PELI1: variants seen among roughly 807,000 people sequenced by gnomAD.
The protein encoded by PELI1 is pellino E3 ubiquitin protein ligase 1, also known as E3 ubiquitin-protein ligase pellino homolog 1.
A neutral mutation model predicts 41.3 loss-of-function variants in PELI1; 15 were observed. The observed-to-expected ratio is 0.36, with a 90% CI of 0.24 to 0.56. The LOEUF (loss-of-function observed/expected upper bound fraction) is 0.56, where lower values mean the gene tolerates loss of function less well. Among genes scored for constraint, PELI1 ranks in the 20% least tolerant of loss-of-function variants. PELI1 has a pLI of 0.82. For synonymous variants in PELI1, 178 were observed against 180.1 expected, an observed-to-expected ratio of 0.99 and a Z score of 0.09; for missense variants, 403 against 525.5, an observed-to-expected ratio of 0.77 and a Z score of 2.28.
At chr2:64,124,684 TTTTG>T (rs1456495117) in intron 1 of PELI1, among the ~76,000 whole-genome samples, 1 of 152,228 alleles carries the variant, frequency 6.6e-6, no homozygotes, top group East Asian at 1.9e-4. Context: ...ACATGTGCTT[TTTTG>T]TTTATGTTTT....
chr2:64,098,625 C>T (rs1331720590), intron 4 of PELI1, among the ~76,000 whole-genome samples: 9 of 152,234 alleles, frequency 5.9e-5, no homozygotes, highest in Non-Finnish European at 1.2e-4. Flanking sequence ...AGGGTCAGTA[C>T]AGCACCTAGG....
intron 3 of PELI1, among the ~76,000 whole-genome samples, chr2:64,100,895 T>C (rs1184657703): frequency 1.3e-5 from 2 of 151,804 alleles, no homozygotes; most frequent in African/African-American, 2.4e-5. Flanking sequence ...CCTGGCTAAT[T>C]TTTTTTGTAT....
chr2:64,113,914 T>C (rs917782093), intron 1 of PELI1, among the ~76,000 whole-genome samples: 2 of 152,100 alleles, frequency 1.3e-5, no homozygotes, highest in Admixed American at 1.3e-4. Context: ...TTTCATTATT[T>C]ACATCACACA....
intron 1 of PELI1, among the ~76,000 whole-genome samples, chr2:64,128,282 C>T (rs1265464614): frequency 6.6e-6 from 1 of 152,020 alleles, no homozygotes; most frequent in Admixed American, 6.5e-5. Flanking sequence ...TGAAATGTTC[C>T]TATCTTAAAA....
At chr2:64,098,840 T>G (rs1024435389) in intron 4 of PELI1, among the ~76,000 whole-genome samples, 1 of 152,236 alleles carries the variant, frequency 6.6e-6, no homozygotes, top group African/African-American at 2.4e-5. Flanking sequence ...GTCTTTTTGA[T>G]GCAGAAATGT....
chr2:64,117,035 A>AG (rs1681019659), intron 1 of PELI1, among the ~76,000 whole-genome samples: 1 of 152,164 alleles, frequency 6.6e-6, no homozygotes, highest in East Asian at 1.9e-4. Context: ...CTTAATTGAT[A>AG]AATGCTGAGT....
intron 4 of PELI1, among the ~76,000 whole-genome samples, chr2:64,098,166 G>C (rs1680307215): frequency 6.6e-6 from 1 of 152,032 alleles, no homozygotes; most frequent in South Asian, 2.1e-4. Flanking sequence ...TCTATAAAGA[G>C]AAAAAAACCA....
In PELI1 at chr2:64,144,138, G is replaced by A. The variant is rs1682026131; in HGVS notation, c.-127C>T. 6.6e-6 allele frequency: 1 copy of A among 152,136 alleles called. No homozygotes were observed. The highest frequency in any genetic ancestry group is 2.4e-5 in the African/African-American group (1 of 41,422). The allele number at this position is 152,136 out of a possible 1,614,324, so 9.4% of individuals were successfully genotyped here. A position where few individuals can be genotyped will look rare whatever the true frequency, so the allele number is the denominator to read the frequency against. On this transcript the variant is annotated 5_prime_UTR_variant, in exon 1 of 7. Coordinates refer to ENST00000358912, the MANE Select transcript of PELI1 (RefSeq NM_020651.4). Reference sequence around the variant, plus strand: ...GGCCCCCGAGACCCGAGGCGAGAGGGTGAAGTGTTGTGCGCGGGGAGCGCG... The same window carrying A: ...GGCCCCCGAGACCCGAGGCGAGAGGATGAAGTGTTGTGCGCGGGGAGCGCG...
In PELI1 at chr2:64,140,811, A is replaced by AAAAAAAAAAAAAAAAAAAAAAAAAG. The variant is rs1681885406; in HGVS notation, c.-70+3269_-70+3270insCTTTTTTTTTTTTTTTTTTTTTTTT. Among the ~76,000 whole-genome samples the AAAAAAAAAAAAAAAAAAAAAAAAAG allele has an allele frequency of 1.4e-5, 2 of 147,662 alleles. 1 individual carries two copies. Among genetic ancestry groups the AAAAAAAAAAAAAAAAAAAAAAAAAG allele is most frequent in the African/African-American group, 5.1e-5 (2 of 39,580 alleles). ...GCAAAAAAAAAAAACAAACAAACAA[A>AAAAAAAAAAAAAAAAAAAAAAAAAG]AAAAAACCTAGGGGCAGAACTTGAA... On this transcript the variant is annotated intron_variant, in intron 1 of 6. Transcript: ENST00000358912.
chr2:64,124,274 A>C (rs7585957), intron 1 of PELI1, among the ~76,000 whole-genome samples: 50,926 of 152,010 alleles, frequency 0.34, 9,105 homozygotes, highest in East Asian at 0.77. Context: ...TGAAGTGTAC[A>C]CTTTAAGTGT....
intron 1 of PELI1, among the ~76,000 whole-genome samples, chr2:64,138,770 C>G (rs1681802003): frequency 6.6e-6 from 1 of 152,064 alleles, no homozygotes; most frequent in African/African-American, 2.4e-5. Context: ...ACTGCATCCT[C>G]CTCCGAACCT....
intron 1 of PELI1, among the ~76,000 whole-genome samples, chr2:64,118,970 A>G (rs2103712922): frequency 6.6e-6 from 1 of 150,726 alleles, no homozygotes; most frequent in South Asian, 2.1e-4. Context: ...AAGTTCTAAA[A>G]TATGTTTTTG....
In PELI1 at chr2:64,100,307, C is replaced by G. The variant is rs981697376; in HGVS notation, c.303+91G>C. 7.2e-6 allele frequency: 5 copies of G among 696,190 alleles called. No homozygotes were observed. The East Asian group carries it at 1.3e-4, about 19-fold the overall frequency. The allele number at this position is 696,190 out of a possible 1,614,324, so 43.1% of individuals were successfully genotyped here. A position where few individuals can be genotyped will look rare whatever the true frequency, so the allele number is the denominator to read the frequency against. On this transcript the variant is annotated intron_variant, in intron 4 of 6. Coordinates refer to ENST00000358912, the MANE Select transcript of PELI1 (RefSeq NM_020651.4). ...TTTTAATAAAATACAATATAAAAAT[C>G]TGATAATCCTCTGACCTCAGCAAAA...
At chr2:64,132,216 A>G (rs997924314) in intron 1 of PELI1, among the ~76,000 whole-genome samples, 3 of 152,156 alleles carry the variant, frequency 2.0e-5, no homozygotes, top group African/African-American at 7.2e-5. Flanking sequence ...TATTATCTCT[A>G]TTCCTTTCAA....
chr2:64,142,841 A>G (rs916172431), intron 1 of PELI1, among the ~76,000 whole-genome samples: 1 of 152,368 alleles, frequency 6.6e-6, no homozygotes, highest in East Asian at 1.9e-4. Context: ...AGTAAAGGAC[A>G]ATGCCATTTC....
rs189515688 is a variant in PELI1 at position 64,137,794 on chromosome 2, T to C, written c.-70+6287A>G. 2.5e-4 allele frequency among the ~76,000 whole-genome samples: 38 copies of C among 152,238 alleles called. No homozygotes were observed. The East Asian group carries it at 7.3e-3, about 29-fold the overall frequency. ...ATCACGTGGCCAATCACCCCTTTTT[T>C]CCTTAAAAACAAGGAGCAAATACAA... On this transcript the variant is annotated intron_variant, in intron 1 of 6. Coordinates refer to ENST00000358912, the MANE Select transcript of PELI1 (RefSeq NM_020651.4).
chr2:64,131,339 T>C (rs1274870079), intron 1 of PELI1, among the ~76,000 whole-genome samples: 1 of 151,966 alleles, frequency 6.6e-6, no homozygotes, highest in Non-Finnish European at 1.5e-5. Context: ...TATACACACA[T>C]AGGTTCAGGT....
rs1227793477 is a variant in PELI1 at position 64,131,720 on chromosome 2, A to C, written c.-70+12361T>G. On this transcript the variant is annotated intron_variant, in intron 1 of 6. Transcript: ENST00000358912. ...ACTGCAACCTCCACCTCCCAGGTTC[A>C]AGCAATTCTCCTGCCTCGGCCTCAG... Among the ~76,000 whole-genome samples, 3 of 152,020 alleles carry C rather than the reference A, an allele frequency of 2.0e-5. No individual in the cohort carries two copies. In the East Asian group the frequency reaches 5.8e-4, roughly 29 times the overall value.
At chr2:64,131,531 G>A (rs1681556424) in intron 1 of PELI1, among the ~76,000 whole-genome samples, 1 of 151,868 alleles carries the variant, frequency 6.6e-6, no homozygotes, top group African/African-American at 2.4e-5. Context: ...AGATTCCATG[G>A]ATACAGAAGG....
Sources: gnomAD v4.1 joint callset for allele counts (sites outside exome capture counted in the v4.1 genomes callset) on GRCh38, gnomAD v4.1.1 for gene constraint, MANE v1.5 for transcripts, NCBI Gene and HGNC (gene_info 2026-07-23, HGNC 2026-07-21) for gene names.